The following TIAM2 variants were observed in gnomAD, a reference collection of about 807,000 sequenced individuals.
The protein encoded by TIAM2 is rho guanine nucleotide exchange factor TIAM2.
Under a neutral mutation model 152.9 loss-of-function variants are expected in TIAM2, and 80 were observed. That is an observed-to-expected ratio of 0.52 (90% CI 0.44 to 0.63). The LOEUF (loss-of-function observed/expected upper bound fraction) is 0.63, where lower values mean the gene tolerates loss of function less well. Among genes scored for constraint, TIAM2 ranks in the 30% least tolerant of loss-of-function variants. TIAM2 has a pLI of 0.00. For synonymous variants in TIAM2, 804 were observed against 838.0 expected, an observed-to-expected ratio of 0.96 and a Z score of 0.70; for missense variants, 1,965 against 2,120.1, an observed-to-expected ratio of 0.93 and a Z score of 1.44.
intron 1 of TIAM2, among the ~76,000 whole-genome samples, chr6:155,073,888 A>G (rs1777897778): frequency 6.6e-6 from 1 of 152,198 alleles, no homozygotes; most frequent in Admixed American, 6.5e-5. Flanking sequence ...AAGATGAAAG[A>G]TCTTTCAGAC....
intron 1 of TIAM2, among the ~76,000 whole-genome samples, chr6:155,047,698 AGAGAGAGCGAGAGAGAGAGAGAGAGAGC>A (rs1777219699): frequency 7.2e-5 from 3 of 41,608 alleles, no homozygotes; most frequent in African/African-American, 2.4e-4. Flanking sequence ...GGAGAGAGAG[AGAGAGAGCGAGAGAGAGAGAGAGAGAGC>A]GAGAGAGAGA....
At chr6:155,108,066 A>T (rs1778742049) in intron 2 of TIAM2, among the ~76,000 whole-genome samples, 1 of 152,184 alleles carries the variant, frequency 6.6e-6, no homozygotes, top group African/African-American at 2.4e-5. Flanking sequence ...CAGCTGCTGG[A>T]GTTTTTCCTA....
intron 15 of TIAM2, among the ~76,000 whole-genome samples, chr6:155,223,414 A>G (rs1782120647): frequency 6.6e-6 from 1 of 151,942 alleles, no homozygotes; most frequent in South Asian, 2.1e-4. Flanking sequence ...GTGCTAAGAG[A>G]TGTTGAGGAA....
At chr6:155,154,093 A>G (rs1780044300) in intron 7 of TIAM2, among the ~76,000 whole-genome samples, 1 of 152,244 alleles carries the variant, frequency 6.6e-6, no homozygotes, top group Non-Finnish European at 1.5e-5. Context: ...TCTCCAAAAT[A>G]TTCCCTAAGC....
chr6:155,099,262 A>G (rs1778498977), intron 2 of TIAM2, among the ~76,000 whole-genome samples: 1 of 147,940 alleles, frequency 6.8e-6, no homozygotes, highest in African/African-American at 2.5e-5. Flanking sequence ...GTGTGTGTGT[A>G]ATAAAATATC....
In TIAM2 at chr6:155,057,017, C is replaced by CTTTTTTTTTTTTTT. The variant is rs71023612; in HGVS notation, c.-208-33256_-208-33243dup. Among the ~76,000 whole-genome samples, 34 of 43,866 alleles carry CTTTTTTTTTTTTTT rather than the reference C, an allele frequency of 7.8e-4. 5 individuals are homozygous for CTTTTTTTTTTTTTT. Among genetic ancestry groups the CTTTTTTTTTTTTTT allele is most frequent in the Non-Finnish European group, 1.2e-3 (28 of 23,092 alleles). 28.8% of individuals were successfully genotyped at this position (43,866 alleles called of 152,430 possible). ...AGTAGAATGTTCCTCAGTTTTCTTT[C>CTTTTTTTTTTTTTT]TTTTTTTTTTTTTTTTTTTTTTTTT... On this transcript the variant is annotated intron_variant, in intron 1 of 26. Coordinates refer to ENST00000682666, the MANE Select transcript of TIAM2 (RefSeq NM_012454.4).
intron 19 of TIAM2, among the ~76,000 whole-genome samples, chr6:155,246,258 C>T (rs918372752): frequency 1.3e-5 from 2 of 152,136 alleles, no homozygotes; most frequent in Non-Finnish European, 2.9e-5. Flanking sequence ...GAGGTTTATC[C>T]TGACGCCCTT....
chr6:155,039,362 C>T (rs1467519184), intron 1 of TIAM2, among the ~76,000 whole-genome samples: 1 of 152,134 alleles, frequency 6.6e-6, no homozygotes, highest in Non-Finnish European at 1.5e-5. Flanking sequence ...CAAGCCCACT[C>T]CACCCCTTTC....
At position 155,257,085 on chromosome 6, in the gene TIAM2, G is replaced by GTGTT. The variant is rs1562380448; in HGVS notation, c.5072_5075dup (p.Phe1692LeufsTer4). On this transcript the variant is annotated frameshift_variant, in exon 27 of 27. Transcript: ENST00000682666. LOFTEE classifies it high-confidence loss of function. The stretch of plus-strand genomic sequence containing the variant: ...GTTTAACATCTGTTGTCAGTGAGGA[G>GTGTT]TGTTTTTATGAAACAGAGAGCCACG... The GTGTT allele has an allele frequency of 6.2e-7, 1 of 1,604,020 alleles. No homozygotes were observed. The highest frequency in any genetic ancestry group is 8.5e-7 in the Non-Finnish European group (1 of 1,173,752).
chr6:155,047,276 T>C (rs1777196982), intron 1 of TIAM2, among the ~76,000 whole-genome samples: 1 of 152,180 alleles, frequency 6.6e-6, no homozygotes, highest in Admixed American at 6.5e-5. Context: ...CCTCCCTGGC[T>C]CAAGCGCTTC....
intron 7 of TIAM2, among the ~76,000 whole-genome samples, chr6:155,157,606 C>T (rs191498361): frequency 4.3e-4 from 66 of 152,184 alleles, no homozygotes; most frequent in African/African-American, 1.5e-3. Context: ...TGCACCCAGA[C>T]GAGAAGTACA....
chr6:155,254,435 A>G lies in TIAM2; in HGVS notation c.4330A>G (p.Thr1444Ala), dbSNP rs772618976. The change falls in exon 26 of 27, where the codon ACC (threonine) becomes GCC (alanine). Residue 1444 changes from threonine (T) to alanine (A), a missense_variant. Around this residue, in one of 3 missense-constraint regions of TIAM2, gnomAD observed 935 missense variants for 980.0 expected, o/e 0.95. Coordinates refer to ENST00000682666, the MANE Select transcript of TIAM2 (RefSeq NM_012454.4). Reference protein sequence around the residue: ...QLCCSDSESKTNIVKVIRSIL... With the variant: ...QLCCSDSESKANIVKVIRSIL... ...CCCACCCAGTGACAGTGAAAGCAAAACCAACATTGTTAAGGTGATTCGTTC... is the reference window on the plus strand; with the variant it reads ...CCCACCCAGTGACAGTGAAAGCAAAGCCAACATTGTTAAGGTGATTCGTTC... 21 of 1,612,264 alleles carry G rather than the reference A, an allele frequency of 1.3e-5. No homozygotes were observed. The Middle Eastern group carries it at 6.6e-4, about 51-fold the overall frequency.
intron 15 of TIAM2, among the ~76,000 whole-genome samples, chr6:155,236,577 T>G (rs1378050274): frequency 1.3e-5 from 2 of 152,010 alleles, no homozygotes; most frequent in Non-Finnish European, 2.9e-5. Flanking sequence ...GCAGGAGAAT[T>G]GCTTGCACCC....
chr6:155,006,835 C>T (rs928804813), intron 1 of TIAM2, among the ~76,000 whole-genome samples: 2 of 151,864 alleles, frequency 1.3e-5, no homozygotes, highest in Non-Finnish European at 2.9e-5. Context: ...ATTACAAGTG[C>T]CCACCACCAC....
chr6:155,191,521 G>A (rs1367775017), intron 14 of TIAM2, among the ~76,000 whole-genome samples: 4 of 152,174 alleles, frequency 2.6e-5, no homozygotes, highest in African/African-American at 9.6e-5. Context: ...GCTGGGCGCG[G>A]TGGCTCATGC....
chr6:155,231,042 A>G lies in TIAM2; in HGVS notation c.3169-9488A>G, dbSNP rs1157200309. On this transcript the variant is annotated intron_variant, in intron 15 of 26. Transcript: ENST00000682666. ...TTTTTAGTAGAGATGGGGTTTCACCATGTTGGCCAGGCTGGTCTCAGACTC... is the reference window on the plus strand; with the variant it reads ...TTTTTAGTAGAGATGGGGTTTCACCGTGTTGGCCAGGCTGGTCTCAGACTC... Among the ~76,000 whole-genome samples, 9 of 150,856 alleles carry G rather than the reference A, an allele frequency of 6.0e-5. No homozygotes were observed. The East Asian group carries it at 1.6e-3, about 26-fold the overall frequency.
intron 1 of TIAM2, among the ~76,000 whole-genome samples, chr6:155,009,133 G>C (rs1035019961): frequency 1.7e-5 from 2 of 119,636 alleles, no homozygotes; most frequent in Non-Finnish European, 3.2e-5. Context: ...GCAGGGTCTC[G>C]CTCTGTCACC....
intron 1 of TIAM2, among the ~76,000 whole-genome samples, chr6:155,089,544 G>A (rs1437667772): frequency 8.5e-5 from 13 of 152,076 alleles, no homozygotes; most frequent in Admixed American, 7.9e-4. Flanking sequence ...TGATCCTTTG[G>A]CACTACCCAC....
At chr6:155,203,499 A>T (rs1006794782) in intron 14 of TIAM2, among the ~76,000 whole-genome samples, 1 of 152,224 alleles carries the variant, frequency 6.6e-6, no homozygotes, top group African/African-American at 2.4e-5. Flanking sequence ...TCTGGATGTC[A>T]GTAGATAGTA....
Sources: gnomAD v4.1 joint callset for allele counts (sites outside exome capture counted in the v4.1 genomes callset) on GRCh38, gnomAD v4.1.1 for gene constraint, gnomAD v4.1.1 regional missense constraint, MANE v1.5 for transcripts, NCBI Gene and HGNC (gene_info 2026-07-23, HGNC 2026-07-21) for gene names.